CDH19: variants seen among roughly 807,000 people sequenced by gnomAD.
CDH19 encodes cadherin 19.
In CDH19, 67 loss-of-function variants were observed where a neutral mutation model predicts 64.2. That is an observed-to-expected ratio of 1.04 (90% confidence interval 0.86 to 1.28). CDH19 has a LOEUF of 1.28. Ranked by LOEUF, CDH19 falls within the 50% of genes most tolerant of loss-of-function variation. CDH19 has a pLI of 0.00. For synonymous variants in CDH19, 346 were observed against 319.3 expected (o/e 1.08, Z -0.89); for missense variants, 1,030 against 929.0 (o/e 1.11, Z -1.41).
At chr18:66,509,491 T>G (rs1985366499) in intron 10 of CDH19, among the ~76,000 whole-genome samples, 1 of 151,832 alleles carries the variant, frequency 6.6e-6, no homozygotes, top group South Asian at 2.1e-4. Context: ...AATTACTATT[T>G]AATATTATTA....
chr18:66,574,740 T>C (rs1046711332), intron 1 of CDH19, among the ~76,000 whole-genome samples: 1 of 151,754 alleles, frequency 6.6e-6, no homozygotes, highest in East Asian at 1.9e-4. Flanking sequence ...AGCATCATGA[T>C]TAAATTACTC....
chr18:66,560,239 G>A (rs146113571), intron 3 of CDH19, among the ~76,000 whole-genome samples: 2 of 152,010 alleles, frequency 1.3e-5, no homozygotes, highest in South Asian at 4.1e-4. Context: ...ATGAATAGCT[G>A]GTAGAGCCAA....
chr18:66,543,122 T>A (rs891872070), intron 7 of CDH19, among the ~76,000 whole-genome samples: 1 of 152,042 alleles, frequency 6.6e-6, no homozygotes, highest in South Asian at 2.1e-4. Flanking sequence ...GCCTCCTGGG[T>A]TCACGCCATT....
At chr18:66,592,243 A>T (rs1378017690) in intron 1 of CDH19, among the ~76,000 whole-genome samples, 1 of 151,850 alleles carries the variant, frequency 6.6e-6, no homozygotes, top group Non-Finnish European at 1.5e-5. Context: ...TATTTTGTAC[A>T]TATTCAAATA....
chr18:66,557,803 T>C (rs1265246089), intron 3 of CDH19, among the ~76,000 whole-genome samples: 2 of 151,826 alleles, frequency 1.3e-5, no homozygotes, highest in Non-Finnish European at 2.9e-5. Context: ...TACATATGTG[T>C]ATATATACAT....
Position 66,568,605 on chromosome 18 carries a change from C to T in CDH19, c.301G>A (p.Ala101Thr). 6.2e-7 allele frequency: 1 copy of T among 1,612,030 alleles called. No homozygotes were observed. The highest frequency in any genetic ancestry group is 1.1e-5 in the South Asian group (1 of 91,038). ...TCCTCTCTATCAAGCTTCTGTATGGCATATATGTCACCTGTTCTTTCATCA... is the reference window on the plus strand; with the variant it reads ...TCCTCTCTATCAAGCTTCTGTATGGTATATATGTCACCTGTTCTTTCATCA... The part of the protein sequence containing the change: ...IIDERTGDIY[A>T]IQKLDREERS... Residue 101 changes from alanine to threonine, a missense_variant, in exon 3 of 12, where the codon GCC (alanine) becomes ACC (threonine). Coordinates refer to ENST00000262150, the MANE Select transcript of CDH19 (RefSeq NM_021153.4).
At chr18:66,524,506 T>A (rs1029781393) in intron 9 of CDH19, among the ~76,000 whole-genome samples, 19 of 143,652 alleles carry the variant, frequency 1.3e-4, no homozygotes, top group African/African-American at 4.6e-4. Flanking sequence ...TTAACTTGAT[T>A]TAGCCATTTC....
At chr18:66,590,177 G>T (rs1187752224) in intron 1 of CDH19, among the ~76,000 whole-genome samples, 1 of 151,468 alleles carries the variant, frequency 6.6e-6, no homozygotes, top group East Asian at 1.9e-4. Context: ...TCATGAGCTG[G>T]GTATTTTTTT....
At chr18:66,509,595 A>G (rs191815711) in intron 10 of CDH19, among the ~76,000 whole-genome samples, 1 of 151,902 alleles carries the variant, frequency 6.6e-6, no homozygotes. Context: ...ACATATATAA[A>G]ACATACGTGT....
chr18:66,594,748 C>T lies in CDH19; in HGVS notation c.-113+9206G>A, dbSNP rs537920550. On this transcript the variant is annotated intron_variant, in intron 1 of 11. Transcript: ENST00000262150. ...GAAATCATCATTCTCAGTAAACTATCGCAAGAACAAAAAACCAAACACTGC... is the reference window on the plus strand; with the variant it reads ...GAAATCATCATTCTCAGTAAACTATTGCAAGAACAAAAAACCAAACACTGC... Among the ~76,000 whole-genome samples, 15 of 149,666 alleles carry T rather than the reference C, an allele frequency of 1.0e-4. No individual in the cohort carries two copies. The East Asian group carries it at 1.6e-3, about 16-fold the overall frequency.
intron 2 of CDH19, among the ~76,000 whole-genome samples, chr18:66,569,673 T>C (rs1488904676): frequency 1.3e-5 from 2 of 151,744 alleles, no homozygotes; most frequent in Admixed American, 6.6e-5. Context: ...AATTCTGATA[T>C]AGTTAAAATG....
chr18:66,596,939 G>A (rs9961870), intron 1 of CDH19, among the ~76,000 whole-genome samples: 69,142 of 145,952 alleles, frequency 0.47, 17,063 homozygotes, highest in Non-Finnish European at 0.56. Flanking sequence ...AAAATTAGCC[G>A]GGCGTAGTGG....
intron 9 of CDH19, among the ~76,000 whole-genome samples, chr18:66,523,918 G>A (rs1986103416): frequency 6.7e-6 from 1 of 149,718 alleles, no homozygotes; most frequent in Admixed American, 6.7e-5. Flanking sequence ...GGGGGCGGGG[G>A]GGTTGGGGGG....
At chr18:66,578,494 A>G (rs1599031148) in intron 1 of CDH19, among the ~76,000 whole-genome samples, 1 of 151,914 alleles carries the variant, frequency 6.6e-6, no homozygotes, top group East Asian at 1.9e-4. Flanking sequence ...AAGAGAACAT[A>G]GAGCAACTGT....
intron 9 of CDH19, among the ~76,000 whole-genome samples, chr18:66,516,495 C>A (rs2067891897): frequency 6.6e-6 from 1 of 151,888 alleles, no homozygotes. Context: ...AGATATAATT[C>A]CTGAGTCCCA....
At chr18:66,573,022 T>C (rs976494196) in intron 1 of CDH19, among the ~76,000 whole-genome samples, 2 of 151,724 alleles carry the variant, frequency 1.3e-5, no homozygotes, top group Admixed American at 6.6e-5. Flanking sequence ...AAGAATGATA[T>C]GAAATGTATC....
At chr18:66,602,182 G>A (rs988543892) in intron 1 of CDH19, among the ~76,000 whole-genome samples, 1 of 151,942 alleles carries the variant, frequency 6.6e-6, no homozygotes, top group African/African-American at 2.4e-5. Flanking sequence ...CTTTTAAACA[G>A]TTTAACACAT....
intron 1 of CDH19, among the ~76,000 whole-genome samples, chr18:66,600,858 A>G (rs1459404335): frequency 6.6e-6 from 1 of 151,906 alleles, no homozygotes; most frequent in Non-Finnish European, 1.5e-5. Flanking sequence ...AGAGAAAATA[A>G]TCAAAAATAA....
chr18:66,568,771 A>G, intron 2 of CDH19, 61 bp from the exon 3 acceptor site: 1 of 1,359,326 alleles, frequency 7.4e-7, no homozygotes, highest in Middle Eastern at 2.1e-4. Flanking sequence ...AATCAAAATC[A>G]AGATTTTCTT....
Sources: gnomAD v4.1 joint callset for allele counts (sites outside exome capture counted in the v4.1 genomes callset) on GRCh38, gnomAD v4.1.1 for gene constraint, MANE v1.5 for transcripts, NCBI Gene and HGNC (gene_info 2026-07-23, HGNC 2026-07-21) for gene names.